GPC6: variants seen among roughly 807,000 people sequenced by gnomAD.
The protein encoded by GPC6 is glypican 6.
In GPC6, 14 loss-of-function variants were observed where a neutral mutation model predicts 55.2. The ratio of observed to expected loss-of-function variants is 0.25; its 90% CI spans 0.17 to 0.40. The LOEUF is 0.40. Ranked by LOEUF, GPC6 falls within the 10% of genes least tolerant of loss-of-function variation. The pLI is 1.00. For missense variants in GPC6, 641 were observed against 708.5 expected, an observed-to-expected ratio of 0.90 and a Z score of 1.08; for synonymous variants, 278 against 259.6, an observed-to-expected ratio of 1.07 and a Z score of -0.68.
chr13:93,248,176 A>G (rs1026814187), intron 1 of GPC6, among the ~76,000 whole-genome samples: 6 of 152,232 alleles, frequency 3.9e-5, no homozygotes, highest in African/African-American at 9.6e-5. Flanking sequence ...TTGACTATAT[A>G]TAGAAATATA....
intron 2 of GPC6, among the ~76,000 whole-genome samples, chr13:93,656,816 A>G (rs2099451652): frequency 6.6e-6 from 1 of 152,126 alleles, no homozygotes; most frequent in South Asian, 2.1e-4. Context: ...ATAACATCCA[A>G]GCTGAGTACC....
intron 3 of GPC6, among the ~76,000 whole-genome samples, chr13:93,843,327 TATC>T (rs910668344): frequency 6.6e-6 from 1 of 152,188 alleles, no homozygotes; most frequent in Admixed American, 6.6e-5. Flanking sequence ...GTAGCTCTCT[TATC>T]ATGTATTTAA....
At chr13:94,073,809 C>T (rs1365755240) in intron 4 of GPC6, among the ~76,000 whole-genome samples, 1 of 152,108 alleles carries the variant, frequency 6.6e-6, no homozygotes, top group Non-Finnish European at 1.5e-5. Context: ...GAATTTTTCA[C>T]TAGAGCTTTG....
At chr13:93,447,541 C>T (rs1220666383) in intron 1 of GPC6, among the ~76,000 whole-genome samples, 2 of 152,158 alleles carry the variant, frequency 1.3e-5, no homozygotes, top group Non-Finnish European at 2.9e-5. Context: ...AGGATGCACA[C>T]ATTACTTTTG....
chr13:93,978,846 G>T (rs949243819), intron 3 of GPC6, among the ~76,000 whole-genome samples: 9 of 152,072 alleles, frequency 5.9e-5, no homozygotes, highest in Non-Finnish European at 8.8e-5. Flanking sequence ...TCCCTCACCA[G>T]ATCATAAGCA....
intron 2 of GPC6, among the ~76,000 whole-genome samples, chr13:93,565,229 G>C (rs1034227863): frequency 6.6e-6 from 1 of 152,118 alleles, no homozygotes; most frequent in African/African-American, 2.4e-5. Context: ...GGGAGAAGCA[G>C]CACTCAGTGT....
chr13:93,307,986 C>T, intron 1 of GPC6, among the ~76,000 whole-genome samples: 1 of 152,156 alleles, frequency 6.6e-6, no homozygotes, highest in South Asian at 2.1e-4. Flanking sequence ...AAAATGGTGG[C>T]CGGGCATGGT....
chr13:94,340,661 A>G (rs1877987514), intron 6 of GPC6, among the ~76,000 whole-genome samples: 1 of 152,256 alleles, frequency 6.6e-6, no homozygotes. Context: ...AAGACTTTAA[A>G]TAGTGTCATG....
chr13:93,481,587 T>A (rs916203071), intron 1 of GPC6, among the ~76,000 whole-genome samples: 5 of 151,994 alleles, frequency 3.3e-5, no homozygotes, highest in African/African-American at 1.2e-4. Flanking sequence ...CCTGTAGCCT[T>A]ATTTTTTTGG....
At chr13:93,724,997 C>G (rs114004854) in intron 2 of GPC6, among the ~76,000 whole-genome samples, 7 of 151,932 alleles carry the variant, frequency 4.6e-5, no homozygotes, top group Non-Finnish European at 1.5e-5. Flanking sequence ...AAAAAAAGTG[C>G]CTTCTGTGCA....
chr13:93,620,088 T>C (rs931934108), intron 2 of GPC6, among the ~76,000 whole-genome samples: 2 of 152,200 alleles, frequency 1.3e-5, no homozygotes, highest in Non-Finnish European at 2.9e-5. Flanking sequence ...TTCTAAAGCA[T>C]GTACTTTGAC....
At chr13:93,527,573 G>A (rs1360191983) in intron 1 of GPC6, among the ~76,000 whole-genome samples, 1 of 152,078 alleles carries the variant, frequency 6.6e-6, no homozygotes, top group Non-Finnish European at 1.5e-5. Context: ...AGGTTGGAAA[G>A]GATGCTAGAA....
intron 2 of GPC6, among the ~76,000 whole-genome samples, chr13:93,580,863 T>C (rs994200294): frequency 1.3e-5 from 2 of 152,210 alleles, no homozygotes; most frequent in African/African-American, 2.4e-5. Context: ...CCAGCCAGCA[T>C]CTATTGCATA....
At chr13:93,631,388 A>G (rs554980276) in intron 2 of GPC6, among the ~76,000 whole-genome samples, 2 of 152,308 alleles carry the variant, frequency 1.3e-5, no homozygotes, top group Admixed American at 1.3e-4. Context: ...TCAGCAGTCT[A>G]CATGTCAAGG....
chr13:93,717,572 C>T (rs1237891339), intron 2 of GPC6, among the ~76,000 whole-genome samples: 1 of 151,472 alleles, frequency 6.6e-6, no homozygotes, highest in Non-Finnish European at 1.5e-5. Flanking sequence ...TAACATGATG[C>T]TGATTTCACT....
chr13:94,348,414 G>C (rs949567601), intron 6 of GPC6, among the ~76,000 whole-genome samples: 1 of 152,144 alleles, frequency 6.6e-6, no homozygotes, highest in African/African-American at 2.4e-5. Context: ...AAATGTAGGT[G>C]CTAGTTCAGG....
chr13:93,371,527 C>A (rs1048046604), intron 1 of GPC6, among the ~76,000 whole-genome samples: 5 of 152,026 alleles, frequency 3.3e-5, no homozygotes, highest in African/African-American at 1.2e-4. Context: ...TAGCAATGGA[C>A]CATTTCAGTC....
intron 4 of GPC6, among the ~76,000 whole-genome samples, chr13:94,163,245 C>T (rs932879252): frequency 6.6e-5 from 10 of 152,114 alleles, no homozygotes; most frequent in Non-Finnish European, 8.8e-5. Flanking sequence ...CAGTATCTGG[C>T]GAACTCCTAT....
intron 1 of GPC6, among the ~76,000 whole-genome samples, chr13:93,281,920 CA>C (rs1214190493): frequency 6.6e-6 from 1 of 152,128 alleles, no homozygotes; most frequent in Non-Finnish European, 1.5e-5. Flanking sequence ...AAAAGATGAA[CA>C]TTTTCTCACA....
Sources: gnomAD v4.1 joint callset for allele counts (sites outside exome capture counted in the v4.1 genomes callset) on GRCh38, gnomAD v4.1.1 for gene constraint, MANE v1.5 for transcripts, NCBI Gene and HGNC (gene_info 2026-07-23, HGNC 2026-07-21) for gene names.